COL5A2: variants seen among roughly 807,000 people sequenced by gnomAD.
The protein encoded by COL5A2 is collagen type V alpha 2 chain.
COL5A2 carries 23 observed loss-of-function variants against 208.2 expected under a neutral mutation model. That is an observed-to-expected ratio of 0.11 (90% CI 0.08 to 0.16). The LOEUF (loss-of-function observed/expected upper bound fraction) is 0.16. COL5A2 is among the 10% of genes least tolerant of loss of function. The probability of loss-of-function intolerance (pLI) is 1.00; values close to 1 mark genes in which losing one functional copy is unlikely to be tolerated. For missense variants in COL5A2, 1,590 were observed against 1,956.4 expected, an observed-to-expected ratio of 0.81 and a Z score of 3.53; for synonymous variants, 625 against 628.5, an observed-to-expected ratio of 0.99 and a Z score of 0.08.
the COL5A2 span, among the ~76,000 whole-genome samples, chr2:189,267,755 T>A: frequency 6.6e-6 from 1 of 152,152 alleles, no homozygotes; most frequent in Non-Finnish European, 1.5e-5. Context: ...ATTATATTTA[T>A]ATTTACAGAA....
chr2:189,085,267 G>A, intron 10 of COL5A2, 54 bp from the exon 11 acceptor site: 1 of 1,378,122 alleles, frequency 7.3e-7, no homozygotes, highest in Non-Finnish European at 1.0e-6. Context: ...TTACTTGCCA[G>A]TAATACAATT....
At chr2:189,184,375 A>G (rs1688820699), upstream of COL5A2, among the ~76,000 whole-genome samples, 1 of 152,198 alleles carries the variant, frequency 6.6e-6, no homozygotes, top group South Asian at 2.1e-4. Flanking sequence ...TATTGCTGCC[A>G]TAAAAATTAC....
chr2:189,192,470 T>C (rs1272135022), intron 1 of COL5A2, among the ~76,000 whole-genome samples: 1 of 152,120 alleles, frequency 6.6e-6, no homozygotes, highest in East Asian at 1.9e-4. Flanking sequence ...AATTCCTTAT[T>C]TGCATAATGA....
At chr2:189,224,080 TGA>T (rs546730625) in intron 1 of COL5A2, among the ~76,000 whole-genome samples, 29 of 151,844 alleles carry the variant, frequency 1.9e-4, no homozygotes, top group African/African-American at 6.8e-4. Flanking sequence ...CAAAGGAAGC[TGA>T]GAGAGAAGAA....
intron 1 of COL5A2, among the ~76,000 whole-genome samples, chr2:189,171,911 G>C (rs1688580903): frequency 6.6e-6 from 1 of 152,234 alleles, no homozygotes; most frequent in Non-Finnish European, 1.5e-5. Context: ...GGATGAAGCT[G>C]AGAGGGAAAG....
chr2:189,202,225 C>T (rs563714488), intron 1 of COL5A2, among the ~76,000 whole-genome samples: 1 of 152,018 alleles, frequency 6.6e-6, no homozygotes, highest in South Asian at 2.1e-4. Context: ...ATGCACTAAA[C>T]TCCTCCCTGC....
chr2:189,181,044 G>A (rs1424545483), upstream of COL5A2, among the ~76,000 whole-genome samples: 1 of 152,190 alleles, frequency 6.6e-6, no homozygotes, highest in Non-Finnish European at 1.5e-5. Flanking sequence ...AGGAACATAT[G>A]TAGGTGTTGA....
intron 47 of COL5A2, 38 bp downstream of exon 47, chr2:189,045,141 A>T: frequency 6.8e-7 from 1 of 1,476,300 alleles, no homozygotes; most frequent in Non-Finnish European, 9.3e-7. Context: ...ATTTTATATA[A>T]GAAAACATTT....
chr2:189,065,782 T>C (rs1460194805), intron 23 of COL5A2, among the ~76,000 whole-genome samples: 1 of 152,208 alleles, frequency 6.6e-6, no homozygotes, highest in Non-Finnish European at 1.5e-5. Flanking sequence ...AGCTACCTCT[T>C]CTGGTCTTTA....
chr2:189,189,031 A>G (rs1688891088), intron 1 of COL5A2, among the ~76,000 whole-genome samples: 1 of 152,126 alleles, frequency 6.6e-6, no homozygotes, highest in Non-Finnish European at 1.5e-5. Context: ...TTGAGAGAAG[A>G]AAGGAGTTTT....
At chr2:189,067,200 G>T (rs114593790) in intron 21 of COL5A2, among the ~76,000 whole-genome samples, 1 of 152,056 alleles carries the variant, frequency 6.6e-6, no homozygotes, top group Non-Finnish European at 1.5e-5. Flanking sequence ...TATTTATGCC[G>T]TATTTATTGA....
chr2:189,410,741 A>G, the COL5A2 span, among the ~76,000 whole-genome samples: 2 of 152,180 alleles, frequency 1.3e-5, no homozygotes, highest in Non-Finnish European at 2.9e-5. Flanking sequence ...TAACAAAACA[A>G]AAATTATGTG....
At chr2:189,293,210 T>A in the COL5A2 span, among the ~76,000 whole-genome samples, 2 of 151,858 alleles carry the variant, frequency 1.3e-5, no homozygotes, top group African/African-American at 4.8e-5. Flanking sequence ...CATATGTAAC[T>A]AACCTGCACA....
At chr2:189,350,869 A>G in the COL5A2 span, among the ~76,000 whole-genome samples, 1 of 152,180 alleles carries the variant, frequency 6.6e-6, no homozygotes, top group Non-Finnish European at 1.5e-5. Flanking sequence ...CAAATTTACC[A>G]GATGTTTCTA....
At chr2:189,326,723 TGGGGGGAGTTCA>T in the COL5A2 span, among the ~76,000 whole-genome samples, 3 of 147,408 alleles carry the variant, frequency 2.0e-5, no homozygotes, top group African/African-American at 7.5e-5. Context: ...TGGTGGGGAG[TGGGGGGAGTTCA>T]CCCACTCCCC....
the COL5A2 span, among the ~76,000 whole-genome samples, chr2:189,259,701 C>G: frequency 1.3e-5 from 2 of 152,170 alleles, no homozygotes. Flanking sequence ...TAAGTAGACA[C>G]AGATACTAGG....
At chr2:189,064,883 T>G (rs1311367933) in intron 24 of COL5A2, 121 bp downstream of exon 24, 3 of 983,558 alleles carry the variant, frequency 3.1e-6, no homozygotes, top group Non-Finnish European at 3.2e-6. Flanking sequence ...GGCCTGGTAT[T>G]TGTATCCATC....
chr2:189,261,586 G>C, the COL5A2 span, among the ~76,000 whole-genome samples: 7 of 152,212 alleles, frequency 4.6e-5, no homozygotes, highest in African/African-American at 1.7e-4. Context: ...GCTCGTTCTT[G>C]GTCTCAAACC....
chr2:189,117,655 TG>T (rs1420612187), intron 1 of COL5A2, among the ~76,000 whole-genome samples: 2 of 152,100 alleles, frequency 1.3e-5, no homozygotes, highest in African/African-American at 2.4e-5. Flanking sequence ...TTACCTACTC[TG>T]GTCACCTTAC....
Sources: allele counts gnomAD v4.1 joint callset (sites outside exome capture counted in the v4.1 genomes callset), GRCh38; gene constraint gnomAD v4.1.1; transcripts MANE v1.5; gene names NCBI Gene and HGNC (gene_info 2026-07-23, HGNC 2026-07-21).